CPLANE1: variants seen among roughly 807,000 people sequenced by gnomAD.
CPLANE1 encodes ciliogenesis and planar polarity effector complex subunit 1.
CPLANE1 carries 263 observed loss-of-function variants against 362.5 expected under a neutral mutation model. The observed-to-expected ratio is 0.73, with a 90% CI of 0.66 to 0.80. CPLANE1 has a LOEUF of 0.80. CPLANE1 is among the 30% of genes least tolerant of loss of function. The pLI is 0.00. For missense variants in CPLANE1, 3,461 were observed against 3,793.4 expected, an observed-to-expected ratio of 0.91 and a Z score of 2.30; for synonymous variants, 1,212 against 1,302.6, an observed-to-expected ratio of 0.93 and a Z score of 1.50.
rs34646696 is a variant in CPLANE1 at position 37,139,372 on chromosome 5, TA to T, written c.8633-3del. The T allele has an allele frequency of 0.11, 118,900 of 1,077,546 alleles. 6,331 individuals are homozygous for T. The highest frequency in any genetic ancestry group is 0.21 in the African/African-American group (12,396 of 59,556). 66.7% of individuals were successfully genotyped at this position (1,077,546 alleles called of 1,614,324 possible). ...ACAATTCATCACTGCTATTCATACC[TA>T]AAAAAAAAATCATTATTAATAAAAA... On this transcript the variant is annotated splice_polypyrimidine_tract_variant and splice_region_variant and intron_variant, in intron 44 of 52. Transcript: ENST00000651892.
chr5:37,227,748 C>T lies in CPLANE1; in HGVS notation c.1191G>A (p.Met397Ile), dbSNP rs573982253. Residue 397 changes from methionine to isoleucine, a missense_variant, in exon 10 of 53, where the codon ATG becomes ATA. Met to Ile is a conservative substitution (Grantham distance 10, BLOSUM62 1). This residue lies in a region of CPLANE1 where 3,380 missense variants were observed against 3,666.1 expected (regional missense o/e 0.92). Coordinates refer to ENST00000651892, the MANE Select transcript of CPLANE1 (RefSeq NM_001384732.1). ...VDSSASDSDP[M>I]RQRFSIKAHS... is the part of the protein sequence containing the mutation. ...GTGCTTTTATAGAAAATCTCTGTCT[C>T]ATAGGGTCACTATCAGAAGCTGATG... 39 of 1,551,014 alleles carry T rather than the reference C, an allele frequency of 2.5e-5. 1 individual carries two copies. The East Asian group carries it at 8.8e-4, about 35-fold the overall frequency.
At chr5:37,247,808 T>C (rs1166222041) in intron 1 of CPLANE1, 63 bp from the exon 2 acceptor site, 2 of 1,302,540 alleles carry the variant, frequency 1.5e-6, no homozygotes, top group Non-Finnish European at 1.0e-6. Flanking sequence ...ATTTTTTTTT[T>C]TTTTTTGAGA....
Position 37,243,856 on chromosome 5 carries a change from CT to C in CPLANE1, c.570+518del, listed in dbSNP as rs372677145. 7.3e-3 allele frequency among the ~76,000 whole-genome samples: 1,039 copies of C among 142,006 alleles called. 17 individuals carry two copies. Among genetic ancestry groups the C allele is most frequent in the African/African-American group, 0.025 (960 of 38,768 alleles). The allele number at this position is 142,006 out of a possible 152,430, so 93.2% of individuals were successfully genotyped here. On this transcript the variant is annotated intron_variant, in intron 5 of 52. Coordinates refer to ENST00000651892, the MANE Select transcript of CPLANE1 (RefSeq NM_001384732.1). ...ACGTGTATATATATTATATATTATA[CT>C]TTTTTTTTTTGAGACAGAGTTTCAC...
chr5:37,166,168 T>C (rs1054364135), intron 35 of CPLANE1, among the ~76,000 whole-genome samples: 17 of 152,260 alleles, frequency 1.1e-4, no homozygotes, highest in African/African-American at 3.6e-4. Context: ...TACAGTCTGA[T>C]AAATGTGAAA....
chr5:37,185,159 T>C, intron 24 of CPLANE1, 80 bp from the exon 25 acceptor site: 3 of 1,313,368 alleles, frequency 2.3e-6, no homozygotes, highest in Non-Finnish European at 3.1e-6. Flanking sequence ...CTCTGGTCCC[T>C]CCTGGGGACA....
At chr5:37,169,679 T>G in intron 33 of CPLANE1, 118 bp from the exon 34 acceptor site, 1 of 770,142 alleles carries the variant, frequency 1.3e-6, no homozygotes, top group Admixed American at 2.9e-5. Context: ...AAAAAAAAAA[T>G]TATTTATTCA....
chr5:37,098,923 C>CAAAAAAA, the CPLANE1 span, among the ~76,000 whole-genome samples: 37 of 51,866 alleles, frequency 7.1e-4, no homozygotes, highest in African/African-American at 1.4e-3. Flanking sequence ...ATGCCTACAT[C>CAAAAAAA]AAAAAAAAAA....
At chr5:37,117,089 A>G (rs1761223965) in intron 50 of CPLANE1, among the ~76,000 whole-genome samples, 1 of 152,206 alleles carries the variant, frequency 6.6e-6, no homozygotes. Context: ...ATAGCCAGGC[A>G]TATGGTATTA....
At chr5:37,201,116 C>T (rs1306196242) in intron 19 of CPLANE1, among the ~76,000 whole-genome samples, 1 of 152,170 alleles carries the variant, frequency 6.6e-6, no homozygotes, top group Non-Finnish European at 1.5e-5. Flanking sequence ...AGCTACTACA[C>T]CCAGCCAAGT....
At chr5:37,222,761 C>G (rs1795636003) in intron 14 of CPLANE1, among the ~76,000 whole-genome samples, 2 of 152,226 alleles carry the variant, frequency 1.3e-5, no homozygotes. Flanking sequence ...TACTCAATCA[C>G]AAGTAGACTG....
chr5:37,107,839 C>CA (rs1402971670), intron 52 of CPLANE1, 61 bp from the exon 53 acceptor site: 22 of 1,468,256 alleles, frequency 1.5e-5, no homozygotes, highest in Middle Eastern at 1.8e-4. Context: ...AAAACAAAAA[C>CA]AAAAAAACCT....
At chr5:37,189,439 A>G (rs1561545895) in intron 21 of CPLANE1, among the ~76,000 whole-genome samples, 1 of 152,022 alleles carries the variant, frequency 6.6e-6, no homozygotes, top group East Asian at 1.9e-4. Context: ...CTGCCGGGGG[A>G]GCACGGCCCA....
At chr5:37,125,187 C>T in intron 47 of CPLANE1, 57 bp downstream of exon 47, 1 of 1,515,066 alleles carries the variant, frequency 6.6e-7, no homozygotes, top group Non-Finnish European at 8.9e-7. Context: ...AAAATTTTGC[C>T]AGGAAAGTAA....
intron 23 of CPLANE1, 125 bp from the exon 24 acceptor site, chr5:37,186,519 G>T: frequency 1.7e-6 from 1 of 597,334 alleles, no homozygotes; most frequent in Non-Finnish European, 3.0e-6. Flanking sequence ...TTGAAGTCAG[G>T]TCAAAGCCTC....
Position 37,166,952 on chromosome 5 carries a change from G to C in CPLANE1, c.7400+95C>G, listed in dbSNP as rs117420701. 2.6e-4 allele frequency: 260 copies of C among 982,378 alleles called. 2 individuals are homozygous for C. The East Asian group carries it at 6.2e-3, about 23-fold the overall frequency. The allele number at this position is 982,378 out of a possible 1,614,324, so 60.9% of individuals were successfully genotyped here. ...AAAACTGAATGTGCAATTGTGTATA[G>C]CCTAGGAGACTGAACCAGATTACTG... On this transcript the variant is annotated intron_variant, in intron 35 of 52. Transcript: ENST00000651892.
intron 43 of CPLANE1, among the ~76,000 whole-genome samples, chr5:37,143,284 A>C (rs1770367424): frequency 6.6e-6 from 1 of 152,252 alleles, no homozygotes; most frequent in African/African-American, 2.4e-5. Context: ...ACACAAAGGA[A>C]CAACCAACCA....
intron 46 of CPLANE1, among the ~76,000 whole-genome samples, chr5:37,129,901 C>G (rs1171198219): frequency 2.6e-5 from 4 of 151,988 alleles, no homozygotes; most frequent in Non-Finnish European, 5.9e-5. Context: ...GGGTATCTAC[C>G]CAGAGGAAAA....
chr5:37,165,203 A>T (rs770878045), intron 36 of CPLANE1, among the ~76,000 whole-genome samples: 13 of 152,230 alleles, frequency 8.5e-5, no homozygotes, highest in South Asian at 2.1e-4. Context: ...AATCTCAGAG[A>T]ACGGTGAAAC....
chr5:37,132,337 G>GTTTTTTTTTTTTTTTTTTTTTTTTTTT (rs70976278), intron 46 of CPLANE1, among the ~76,000 whole-genome samples: 1 of 77,776 alleles, frequency 1.3e-5, no homozygotes, highest in Non-Finnish European at 2.4e-5. Flanking sequence ...GATTGTTCAA[G>GTTTTTTTTTTTTTTTTTTTTTTTTTTT]TTTTTTTTTT....
Sources: allele counts gnomAD v4.1 joint callset (sites outside exome capture counted in the v4.1 genomes callset), GRCh38; gene constraint gnomAD v4.1.1; regional missense constraint gnomAD v4.1.1; transcripts MANE v1.5; gene names NCBI Gene and HGNC (gene_info 2026-07-23, HGNC 2026-07-21).